ADGRG2: variants seen among roughly 807,000 people sequenced by gnomAD.
ADGRG2 encodes adhesion G protein-coupled receptor G2, also known as G protein-coupled receptor 64.
Under a neutral mutation model 74.1 loss-of-function variants are expected in ADGRG2, and 26 were observed. The observed-to-expected ratio is 0.35, with a 90% CI of 0.26 to 0.49. The LOEUF (loss-of-function observed/expected upper bound fraction) is 0.49. Ranked by LOEUF, ADGRG2 falls within the 20% of genes least tolerant of loss-of-function variation. The pLI is 0.99. For missense variants in ADGRG2, 619 were observed against 763.1 expected (o/e 0.81, Z 2.22); for synonymous variants, 296 against 295.2 (o/e 1.00, Z -0.03).
intron 1 of ADGRG2, among the ~76,000 whole-genome samples, chrX:19,121,698 G>A (rs1307278140): frequency 9.1e-6 from 1 of 110,200 alleles, no homozygotes; most frequent in Non-Finnish European, 1.9e-5. Flanking sequence ...ATTTTAACGG[G>A]ATCCCTGGGG....
intron 3 of ADGRG2, among the ~76,000 whole-genome samples, chrX:19,043,224 T>C: frequency 8.9e-6 from 1 of 111,766 alleles, no homozygotes; most frequent in Non-Finnish European, 1.9e-5. Flanking sequence ...ATTTATTCAC[T>C]TTTTCTGTCT....
At chrX:19,025,186 T>C (rs1040275791) in intron 11 of ADGRG2, among the ~76,000 whole-genome samples, 26 of 111,761 alleles carry the variant, frequency 2.3e-4, no homozygotes, top group African/African-American at 7.5e-4. Context: ...TGGTACCCTA[T>C]ACAAGCCACC....
rs187488920 is a variant in ADGRG2, at chrX:19,040,041, T to C, written c.154+148A>G. ...GACTGTCCTCTGGTCTATGCTTGCATTGATTTTTCAGGTGTAGGCTTAATG... is the reference window on the plus strand; with the variant it reads ...GACTGTCCTCTGGTCTATGCTTGCACTGATTTTTCAGGTGTAGGCTTAATG... On this transcript the variant is annotated intron_variant, in intron 4 of 28. Transcript: ENST00000379869. 2.8e-4 allele frequency: 125 copies of C among 444,155 alleles called. No homozygotes were observed. In the East Asian group the frequency reaches 4.2e-3, roughly 15 times the overall value. 36.6% of individuals were successfully genotyped at this position (444,155 alleles called of 1,213,427 possible).
chrX:19,105,582 G>A (rs748185974), intron 1 of ADGRG2, among the ~76,000 whole-genome samples: 81 of 110,310 alleles, frequency 7.3e-4, no homozygotes, highest in Non-Finnish European at 1.3e-3. Context: ...CCTGTAGGGG[G>A]ATGGGCGGCT....
chrX:19,046,168 G>C (rs1037459808), intron 3 of ADGRG2, among the ~76,000 whole-genome samples: 2 of 112,527 alleles, frequency 1.8e-5, no homozygotes, highest in Non-Finnish European at 3.8e-5. Context: ...CCAGCTCCAA[G>C]TTACTGAAAA....
At chrX:19,008,601 G>A (rs986382952) in intron 18 of ADGRG2, among the ~76,000 whole-genome samples, 3 of 110,522 alleles carry the variant, frequency 2.7e-5, no homozygotes, top group African/African-American at 9.9e-5. Context: ...GGGAGGCGGA[G>A]GCTGCAGTGA....
chrX:18,999,393 A>G (rs1180457678), intron 25 of ADGRG2, 114 bp from the exon 26 acceptor site: 2 of 642,890 alleles, frequency 3.1e-6, no homozygotes, highest in Non-Finnish European at 4.7e-6. Flanking sequence ...TACCAGTACA[A>G]GAGAAAAAAA....
chrX:19,082,072 C>CAAAAAAAAAAAAAAAAAAAAAAAAAAAA (rs57534658), intron 2 of ADGRG2, among the ~76,000 whole-genome samples: 1 of 21,209 alleles, frequency 4.7e-5, no homozygotes, highest in Non-Finnish European at 8.9e-5. Flanking sequence ...GACCCTGTCT[C>CAAAAAAAAAAAAAAAAAAAAAAAAAAAA]AAAAAAAAAA....
intron 1 of ADGRG2, among the ~76,000 whole-genome samples, chrX:19,103,091 C>G: frequency 9.0e-6 from 1 of 110,603 alleles, no homozygotes; most frequent in East Asian, 2.8e-4. Context: ...GACAGGAGGT[C>G]GGCACAAGAT....
chrX:19,113,851 C>T (rs1278406496), intron 1 of ADGRG2, among the ~76,000 whole-genome samples: 2 of 111,068 alleles, frequency 1.8e-5, no homozygotes, highest in Admixed American at 9.6e-5. Context: ...GGCGGATCAC[C>T]GGAGGCCAGG....
At chrX:19,049,494 C>T (rs2061272424) in intron 3 of ADGRG2, among the ~76,000 whole-genome samples, 1 of 103,820 alleles carries the variant, frequency 9.6e-6, no homozygotes, top group African/African-American at 3.7e-5. Flanking sequence ...CAATTTTCCA[C>T]CCCAATGGGG....
intron 3 of ADGRG2, among the ~76,000 whole-genome samples, chrX:19,052,966 A>G (rs757511559): frequency 8.9e-6 from 1 of 111,840 alleles, no homozygotes; most frequent in East Asian, 2.8e-4. Context: ...AAGTGCTGGG[A>G]TTACAGGCAT....
chrX:19,023,835 G>T, intron 12 of ADGRG2, 74 bp downstream of exon 12: 2 of 693,609 alleles, frequency 2.9e-6, no homozygotes, highest in Admixed American at 2.5e-5. Flanking sequence ...TATCTCCCAG[G>T]AATGCAGAAC....
chrX:19,121,401 G>A (rs981310648), intron 1 of ADGRG2, among the ~76,000 whole-genome samples: 1 of 111,415 alleles, frequency 9.0e-6, no homozygotes, highest in Non-Finnish European at 1.9e-5. Context: ...GAACCTTCAG[G>A]GGGCGAAGGG....
At chrX:19,001,180 G>C (rs1030161517) in intron 24 of ADGRG2, among the ~76,000 whole-genome samples, 36 of 111,500 alleles carry the variant, frequency 3.2e-4, no homozygotes, top group Middle Eastern at 4.6e-3. Flanking sequence ...GCTGATCCAG[G>C]GGGTGGTGAC....
Position 19,013,995 on chromosome X carries a change from C to T in ADGRG2, c.790G>A (p.Val264Met). 8.3e-7 allele frequency: 1 copy of T among 1,209,095 alleles called. No homozygotes were observed. The highest frequency in any genetic ancestry group is 1.1e-6 in the Non-Finnish European group (1 of 893,581). Residue 264 changes from valine to methionine, a missense_variant, in exon 16 of 29, where the codon GTG becomes ATG. Val to Met is a conservative substitution (Grantham distance 21). Coordinates refer to ENST00000379869, the MANE Select transcript of ADGRG2 (RefSeq NM_001079858.3). ...PFSSSQSIPV[V>M]PRATVLSQVP... The stretch of plus-strand genomic sequence containing the variant: ...TGGGAAAGCACAGTGGCCCGAGGCA[C>T]CACTGGGATGGATTGGCTGGAAGAA...
At chrX:19,056,882 G>A (rs773561120) in intron 3 of ADGRG2, among the ~76,000 whole-genome samples, 21 of 111,581 alleles carry the variant, frequency 1.9e-4, no homozygotes, top group Non-Finnish European at 3.2e-4. Context: ...AGCCTTAAAT[G>A]TGATTAAGGA....
intron 13 of ADGRG2, among the ~76,000 whole-genome samples, chrX:19,022,257 T>C (rs2060606508): frequency 2.9e-5 from 1 of 34,861 alleles, no homozygotes; most frequent in Non-Finnish European, 4.8e-5. Flanking sequence ...AGAGTGAGAC[T>C]CCATCTCAAA....
chrX:19,013,721 T>A lies in ADGRG2; in HGVS notation c.1064A>T (p.Asn355Ile), dbSNP rs1347282431. 8 of 1,199,388 alleles carry A rather than the reference T, an allele frequency of 6.7e-6. No individual in the cohort carries two copies. The Admixed American group carries it at 1.8e-4, about 27-fold the overall frequency. The change falls in exon 16 of 29, where the codon AAT becomes ATT. Residue 355 changes from asparagine to isoleucine, a missense_variant. Transcript: ENST00000379869. The part of the protein sequence containing the change: ...FSSPTVSAPA[N>I]VNTTSAPPVQ... ...AGGAGGTGCGCTGGTAGTGTTGACA[T>A]TCGCAGGGGCAGACACGGTGGGAGA...
Sources: allele counts gnomAD v4.1 joint callset (sites outside exome capture counted in the v4.1 genomes callset), GRCh38; gene constraint gnomAD v4.1.1; transcripts MANE v1.5; gene names NCBI Gene and HGNC (gene_info 2026-07-23, HGNC 2026-07-21).